Variants in PDE10A observed in about 807,000 individuals in gnomAD.
The protein encoded by PDE10A is cAMP and cAMP-inhibited cGMP 3',5'-cyclic phosphodiesterase 10A.
A neutral mutation model predicts 97.7 loss-of-function variants in PDE10A; 39 were observed. The ratio of observed to expected loss-of-function variants is 0.40; its 90% confidence interval spans 0.31 to 0.52. PDE10A has a LOEUF of 0.52. PDE10A is among the 20% of genes least tolerant of loss of function. The probability of loss-of-function intolerance (pLI) is 0.56; values close to 1 mark genes in which losing one functional copy is unlikely to be tolerated. For missense variants in PDE10A, 731 were observed against 1,047.8 expected, an observed-to-expected ratio of 0.70 and a Z score of 4.17; for synonymous variants, 371 against 376.8, an observed-to-expected ratio of 0.98 and a Z score of 0.18.
chr6:165,793,185 G>A (rs1053792087), intron 1 of PDE10A, among the ~76,000 whole-genome samples: 2 of 152,094 alleles, frequency 1.3e-5, no homozygotes, highest in African/African-American at 4.8e-5. Flanking sequence ...TGAGGTTCGG[G>A]CTGAGAATTA....
intron 2 of PDE10A, among the ~76,000 whole-genome samples, chr6:165,537,158 T>C (rs1467242617): frequency 6.6e-6 from 1 of 151,574 alleles, no homozygotes; most frequent in Non-Finnish European, 1.5e-5. Flanking sequence ...GGAACTAGAG[T>C]CCATTAAGTG....
Position 165,450,261 on chromosome 6 carries a change from C to T in PDE10A, c.1125G>A (p.Leu375=), listed in dbSNP as rs754781887. 3 of 1,597,450 alleles carry T rather than the reference C, an allele frequency of 1.9e-6. No homozygotes were observed. The highest frequency in any genetic ancestry group is 2.6e-6 in the Non-Finnish European group (3 of 1,171,074). ...GGDNQLLLYE[L]SSIIKIATKA... is the part of the protein sequence containing the mutation. Reference sequence around the variant, plus strand: ...TCTTACCTATTTTAATGATGCTGCTCAGTTCATAGAGGAGTAGCTGGTTGT... The same window carrying T: ...TCTTACCTATTTTAATGATGCTGCTTAGTTCATAGAGGAGTAGCTGGTTGT... The change falls in exon 4 of 22, where the codon CTG becomes CTA. Residue 375 remains leucine, a synonymous_variant. Coordinates refer to ENST00000539869, the MANE Select transcript of PDE10A (RefSeq NM_001385079.1).
At chr6:165,798,215 G>A (rs1260898654) in intron 1 of PDE10A, among the ~76,000 whole-genome samples, 4 of 152,142 alleles carry the variant, frequency 2.6e-5, no homozygotes, top group African/African-American at 4.8e-5. Flanking sequence ...AAATACATAC[G>A]AAAGTTCCTA....
chr6:165,593,459 G>T (rs1184783488), intron 1 of PDE10A, among the ~76,000 whole-genome samples: 2 of 151,970 alleles, frequency 1.3e-5, no homozygotes, highest in East Asian at 3.9e-4. Flanking sequence ...GAAAAAAAAA[G>T]TTCAAAATGT....
chr6:165,751,098 A>G (rs1308938367), intron 1 of PDE10A, among the ~76,000 whole-genome samples: 1 of 152,166 alleles, frequency 6.6e-6, no homozygotes. Context: ...CCATGGCCTC[A>G]GTGGGTGCCG....
chr6:165,970,688 C>A (rs973693225), intron 1 of PDE10A, among the ~76,000 whole-genome samples: 4 of 152,110 alleles, frequency 2.6e-5, no homozygotes, highest in African/African-American at 9.7e-5. Flanking sequence ...CCGAATTAAA[C>A]AAAAGATTTA....
At chr6:165,416,406 T>A in intron 11 of PDE10A, 125 bp from the exon 12 acceptor site, 1 of 686,228 alleles carries the variant, frequency 1.5e-6, no homozygotes, top group South Asian at 1.7e-5. Context: ...TGTATTACTT[T>A]TACGTTTACA....
intron 1 of PDE10A, among the ~76,000 whole-genome samples, chr6:165,622,275 T>A (rs1171781425): frequency 2.3e-5 from 3 of 130,242 alleles, no homozygotes; most frequent in African/African-American, 4.0e-5. Flanking sequence ...TGTTTGTGAG[T>A]GTGTGTGTGT....
At chr6:165,455,704 G>A (rs999460317) in intron 3 of PDE10A, among the ~76,000 whole-genome samples, 4 of 152,164 alleles carry the variant, frequency 2.6e-5, no homozygotes, top group Non-Finnish European at 5.9e-5. Flanking sequence ...CTGCCTTCCT[G>A]GGCGGTGCCT....
At chr6:165,517,661 A>G (rs952756629) in intron 2 of PDE10A, among the ~76,000 whole-genome samples, 6 of 152,204 alleles carry the variant, frequency 3.9e-5, no homozygotes, top group Admixed American at 2.0e-4. Flanking sequence ...TTCACACGAC[A>G]TTTGGGAAAA....
chr6:165,660,570 C>A (rs1293408946), intron 1 of PDE10A: 2 of 152,496 alleles, frequency 1.3e-5, no homozygotes, highest in Admixed American at 6.5e-5. Context: ...GCTCGCCAGC[C>A]CGGGGGCTGC....
chr6:165,617,965 C>A (rs1301075136), intron 1 of PDE10A, among the ~76,000 whole-genome samples: 2 of 152,250 alleles, frequency 1.3e-5, no homozygotes, highest in Non-Finnish European at 2.9e-5. Context: ...GTGGTTCACT[C>A]CTGTAATCCC....
chr6:165,409,595 C>A (rs1484624870), intron 13 of PDE10A: 1 of 163,352 alleles, frequency 6.1e-6, no homozygotes, highest in Non-Finnish European at 1.3e-5. Flanking sequence ...CGCGCCCGAT[C>A]TCGTCTGATC....
intron 1 of PDE10A, among the ~76,000 whole-genome samples, chr6:165,846,795 G>A (rs1215008373): frequency 1.3e-5 from 2 of 152,228 alleles, no homozygotes; most frequent in Non-Finnish European, 1.5e-5. Flanking sequence ...CCGAGCTAGC[G>A]TCCCTTCCTT....
intron 2 of PDE10A, among the ~76,000 whole-genome samples, chr6:165,505,750 A>G (rs1371211921): frequency 1.3e-5 from 2 of 152,144 alleles, no homozygotes; most frequent in African/African-American, 2.4e-5. Context: ...AGAAAACAAC[A>G]CACATTTAAA....
At chr6:165,389,441 T>G (rs962388611) in intron 16 of PDE10A, among the ~76,000 whole-genome samples, 1 of 152,116 alleles carries the variant, frequency 6.6e-6, no homozygotes, top group Non-Finnish European at 1.5e-5. Context: ...ACCAACAGGA[T>G]TTTTTGACTG....
chr6:165,764,389 A>G (rs1777752162), intron 1 of PDE10A, among the ~76,000 whole-genome samples: 1 of 152,160 alleles, frequency 6.6e-6, no homozygotes, highest in Non-Finnish European at 1.5e-5. Context: ...AAAAAATCAA[A>G]CAGCATAGAT....
intron 1 of PDE10A, among the ~76,000 whole-genome samples, chr6:165,782,660 A>G (rs1778375645): frequency 6.6e-6 from 1 of 152,236 alleles, no homozygotes; most frequent in South Asian, 2.1e-4. Flanking sequence ...GGGTCCATGT[A>G]TAACGTAGTA....
chr6:165,637,919 T>C (rs1277770173), intron 1 of PDE10A, among the ~76,000 whole-genome samples: 6 of 152,254 alleles, frequency 3.9e-5, no homozygotes, highest in African/African-American at 1.4e-4. Context: ...TCTTTATCTC[T>C]TGAAATGAGA....
Sources: gnomAD v4.1 joint callset for allele counts (sites outside exome capture counted in the v4.1 genomes callset) on GRCh38, gnomAD v4.1.1 for gene constraint, MANE v1.5 for transcripts, NCBI Gene and HGNC (gene_info 2026-07-23, HGNC 2026-07-21) for gene names.